Variants in DSCAML1 observed in about 807,000 individuals in gnomAD.
The protein encoded by DSCAML1 is DS cell adhesion molecule like 1.
In DSCAML1, 38 loss-of-function variants were observed where a neutral mutation model predicts 200.5. The ratio of observed to expected loss-of-function variants is 0.19; its 90% confidence interval spans 0.15 to 0.25. The LOEUF (loss-of-function observed/expected upper bound fraction) is 0.25, where lower values mean the gene tolerates loss of function less well. DSCAML1 is among the 10% of genes least tolerant of loss of function. DSCAML1 has a pLI of 1.00. For synonymous variants in DSCAML1, 1,215 were observed against 1,165.0 expected (o/e 1.04, Z -0.87); for missense variants, 2,223 against 2,858.8 (o/e 0.78, Z 5.07).
intron 3 of DSCAML1, among the ~76,000 whole-genome samples, chr11:117,722,822 A>T (rs1029163845): frequency 5.3e-5 from 8 of 152,300 alleles, no homozygotes; most frequent in African/African-American, 1.9e-4. Context: ...GACAAATCTC[A>T]TCCCCCATCC....
chr11:117,807,829 T>C (rs1209258379), intron 1 of DSCAML1, among the ~76,000 whole-genome samples: 3 of 152,170 alleles, frequency 2.0e-5, no homozygotes, highest in African/African-American at 7.2e-5. Flanking sequence ...CTGGCTTTCG[T>C]CGGAGTTAAA....
At chr11:117,454,233 A>G (rs1243685751) in intron 19 of DSCAML1, among the ~76,000 whole-genome samples, 1 of 152,116 alleles carries the variant, frequency 6.6e-6, no homozygotes. Flanking sequence ...GAAGTGCAAA[A>G]TCCGAGATTC....
chr11:117,778,959 C>T (rs905884121), intron 2 of DSCAML1, among the ~76,000 whole-genome samples: 5 of 152,188 alleles, frequency 3.3e-5, no homozygotes, highest in African/African-American at 9.7e-5. Flanking sequence ...CCAAACCAAC[C>T]AATGGAATGA....
chr11:117,765,890 T>G (rs1383355780), intron 3 of DSCAML1, among the ~76,000 whole-genome samples: 1 of 152,084 alleles, frequency 6.6e-6, no homozygotes, highest in Non-Finnish European at 1.5e-5. Flanking sequence ...CAGCTTCACT[T>G]CATCACAAAA....
chr11:117,470,129 G>A (rs1396909614), intron 15 of DSCAML1, 149 bp from the exon 16 acceptor site: 1 of 577,644 alleles, frequency 1.7e-6, no homozygotes, highest in East Asian at 3.1e-5. Flanking sequence ...TTTTGTTTGA[G>A]TTCCCCTGAA....
chr11:117,461,354 T>C, intron 18 of DSCAML1, 96 bp downstream of exon 18: 1 of 1,552,762 alleles, frequency 6.4e-7, no homozygotes, highest in Non-Finnish European at 8.8e-7. Flanking sequence ...CTTGCCAAGC[T>C]GTGGGAGGAT....
At chr11:117,517,633 C>T (rs1443684508) in intron 7 of DSCAML1, among the ~76,000 whole-genome samples, 1 of 152,218 alleles carries the variant, frequency 6.6e-6, no homozygotes, top group African/African-American at 2.4e-5. Context: ...TGAAACTCCA[C>T]CTTTGCTCCT....
At chr11:117,796,950 G>A (rs1015444587) in intron 1 of DSCAML1, 84 bp downstream of exon 1, 28 of 1,091,324 alleles carry the variant, frequency 2.6e-5, no homozygotes, top group East Asian at 2.2e-4. Context: ...CGCACCTGGA[G>A]CCCGCCGGGC....
intron 3 of DSCAML1, among the ~76,000 whole-genome samples, chr11:117,674,900 G>T (rs1029334836): frequency 3.3e-5 from 5 of 152,096 alleles, no homozygotes; most frequent in African/African-American, 1.2e-4. Context: ...GTCCTATAGG[G>T]ATCCTAAGAA....
intron 3 of DSCAML1, among the ~76,000 whole-genome samples, chr11:117,534,761 C>T (rs1445639272): frequency 6.6e-6 from 1 of 152,092 alleles, no homozygotes; most frequent in Non-Finnish European, 1.5e-5. Flanking sequence ...AGTCATGCAC[C>T]ACCACAACTG....
intron 11 of DSCAML1, among the ~76,000 whole-genome samples, chr11:117,487,172 G>A (rs573774384): frequency 2.0e-5 from 3 of 151,942 alleles, no homozygotes; most frequent in Non-Finnish European, 2.9e-5. Flanking sequence ...TGATCCACCC[G>A]CCTCAGCCTC....
rs1050540073 is a variant in DSCAML1, at chr11:117,660,743, A to G, written c.511+116048T>C. Among the ~76,000 whole-genome samples, 6 of 152,198 alleles carry G rather than the reference A, an allele frequency of 3.9e-5. No homozygotes were observed. The East Asian group carries it at 5.8e-4, about 15-fold the overall frequency. ...AACAGGTGCCCTGTATATGTTACCAATGCAAAATTCTACTAGGGGAGCTCA... is the reference window on the plus strand; with the variant it reads ...AACAGGTGCCCTGTATATGTTACCAGTGCAAAATTCTACTAGGGGAGCTCA... On this transcript the variant is annotated intron_variant, in intron 3 of 32. Coordinates refer to ENST00000651296, the MANE Select transcript of DSCAML1 (RefSeq NM_020693.4).
At position 117,634,981 on chromosome 11, in the gene DSCAML1, G is replaced by A. The variant is rs1006741639; in HGVS notation, c.512-102459C>T. ...AGGCACAGGGCACGAGTGTGGCCAC[G>A]CCATAAGTCCTCTCCTCCCTCAGCT... On this transcript the variant is annotated intron_variant, in intron 3 of 32. Transcript: ENST00000651296. Among the ~76,000 whole-genome samples, 9 of 152,140 alleles carry A rather than the reference G, an allele frequency of 5.9e-5. No individual in the cohort carries two copies. In the East Asian group the frequency reaches 9.6e-4, roughly 16 times the overall value.
intron 3 of DSCAML1, among the ~76,000 whole-genome samples, chr11:117,747,767 C>T (rs547004113): frequency 2.0e-5 from 3 of 152,284 alleles, no homozygotes; most frequent in South Asian, 2.1e-4. Flanking sequence ...ATCTCACAAT[C>T]GTGCTGCATG....
rs761507126 is a variant in DSCAML1, at chr11:117,487,417, CCCTT to C, written c.2360-5259_2360-5256del. On this transcript the variant is annotated intron_variant, in intron 11 of 32. Transcript: ENST00000651296. ...AACTGGTATAGATCAGTGACACAGACCCTTCCTTTGGCAAATGGAGAAACTGAGG... is the reference window on the plus strand; with the variant it reads ...AACTGGTATAGATCAGTGACACAGACCCTTTGGCAAATGGAGAAACTGAGG... Among the ~76,000 whole-genome samples, 128 of 152,136 alleles carry C rather than the reference CCCTT, an allele frequency of 8.4e-4. 1 individual carries two copies. The highest frequency in any genetic ancestry group is 2.8e-4 in the Non-Finnish European group (19 of 68,028).
At chr11:117,782,002 G>C (rs1470310098) in intron 1 of DSCAML1, among the ~76,000 whole-genome samples, 8 of 152,154 alleles carry the variant, frequency 5.3e-5, no homozygotes, top group African/African-American at 1.9e-4. Context: ...CTAGCAAGTG[G>C]ACACCAACCC....
intron 14 of DSCAML1, among the ~76,000 whole-genome samples, chr11:117,472,798 C>G (rs935930406): frequency 6.6e-6 from 1 of 152,160 alleles, no homozygotes; most frequent in South Asian, 2.1e-4. Context: ...GGTGAACACC[C>G]TGCATCTCCA....
At chr11:117,521,877 T>C (rs879562903) in intron 5 of DSCAML1, among the ~76,000 whole-genome samples, 8 of 152,186 alleles carry the variant, frequency 5.3e-5, no homozygotes, top group Non-Finnish European at 8.8e-5. Flanking sequence ...CTGCTTGGCA[T>C]TGCCCCACTG....
chr11:117,682,261 G>A (rs2053324733), intron 3 of DSCAML1, among the ~76,000 whole-genome samples: 1 of 152,106 alleles, frequency 6.6e-6, no homozygotes, highest in African/African-American at 2.4e-5. Context: ...CACCCGTCTG[G>A]CCTCCGCTGC....
Sources: allele counts gnomAD v4.1 joint callset (sites outside exome capture counted in the v4.1 genomes callset), GRCh38; gene constraint gnomAD v4.1.1; transcripts MANE v1.5; gene names NCBI Gene and HGNC (gene_info 2026-07-23, HGNC 2026-07-21).